Variants in COLEC11 observed in about 807,000 individuals in gnomAD.
The protein encoded by COLEC11 is collectin-11.
In COLEC11, 20 loss-of-function variants were observed where a neutral mutation model predicts 27.3. The observed-to-expected ratio is 0.73, with a 90% CI of 0.51 to 1.06. The LOEUF is 1.06. Among genes scored for constraint, COLEC11 ranks in the 50% least tolerant of loss-of-function variants. The pLI is 0.00. For missense variants in COLEC11, 310 were observed against 383.0 expected (o/e 0.81, Z 1.59); for synonymous variants, 163 against 154.7 (o/e 1.05, Z -0.40).
intron 4 of COLEC11, among the ~76,000 whole-genome samples, chr2:3,639,254 C>T (rs1665670881): frequency 6.6e-6 from 1 of 152,352 alleles, no homozygotes; most frequent in South Asian, 2.1e-4. Context: ...TGAATAACGC[C>T]ACATTGCGTA....
chr2:3,623,288 A>G (rs1353731670), intron 3 of COLEC11, among the ~76,000 whole-genome samples: 4 of 152,144 alleles, frequency 2.6e-5, no homozygotes, highest in Non-Finnish European at 5.9e-5. Flanking sequence ...GGTTGAACCT[A>G]TTTGGAGACT....
intron 3 of COLEC11, among the ~76,000 whole-genome samples, chr2:3,628,256 T>C (rs1318158794): frequency 2.0e-5 from 3 of 152,238 alleles, no homozygotes; most frequent in Non-Finnish European, 4.4e-5. Flanking sequence ...GTGAAGCGGC[T>C]GCCCCGCAGG....
chr2:3,618,049 C>T (rs954945253), intron 3 of COLEC11, among the ~76,000 whole-genome samples: 2 of 152,092 alleles, frequency 1.3e-5, no homozygotes, highest in Non-Finnish European at 2.9e-5. Flanking sequence ...ATTTGTTTTT[C>T]GGCTATTGAG....
chr2:3,606,032 T>G, intron 2 of COLEC11: 1 of 1,537,354 alleles, frequency 6.5e-7, no homozygotes, highest in Non-Finnish European at 8.8e-7. Context: ...ACTTAAACTG[T>G]TGGATGCCTA....
At chr2:3,633,576 C>T (rs562094338) in intron 3 of COLEC11, among the ~76,000 whole-genome samples, 104 of 152,264 alleles carry the variant, frequency 6.8e-4, no homozygotes, top group African/African-American at 2.5e-3. Context: ...CGCGTCCAGC[C>T]TGATCTGGCA....
chr2:3,640,092 G>T (rs1665737205), intron 4 of COLEC11, among the ~76,000 whole-genome samples, 186 bp from the exon 5 acceptor site: 2 of 152,168 alleles, frequency 1.3e-5, no homozygotes, highest in South Asian at 4.1e-4. Context: ...ACATGTATAT[G>T]GTTCGTATCA....
rs565062097 is a variant in COLEC11, at chr2:3,644,585, A to C, written c.*467A>C. On this transcript the variant is annotated 3_prime_UTR_variant, in exon 7 of 7. Transcript: ENST00000349077. ...TCACACTATTATCCATGTAAAAACA[A>C]TTTTGCTTTGCTTCAAACCCAGATT... 2.1e-4 allele frequency: 80 copies of C among 378,654 alleles called. No individual in the cohort carries two copies. In the East Asian group the frequency reaches 5.5e-3, roughly 26 times the overall value. The allele number at this position is 378,654 out of a possible 1,614,324, so 23.5% of individuals were successfully genotyped here. A position where few individuals can be genotyped will look rare whatever the true frequency, so the allele number is the denominator to read the frequency against.
At chr2:3,598,828 G>A (rs570483871) in intron 1 of COLEC11, among the ~76,000 whole-genome samples, 1 of 152,150 alleles carries the variant, frequency 6.6e-6, no homozygotes, top group African/African-American at 2.4e-5. Context: ...GGGGCCGATT[G>A]TTCAACTTTC....
chr2:3,598,474 C>T (rs769682149), intron 1 of COLEC11, among the ~76,000 whole-genome samples: 1 of 152,264 alleles, frequency 6.6e-6, no homozygotes, highest in Non-Finnish European at 1.5e-5. Context: ...GCCTGCTAAA[C>T]TGCAGGCTTC....
intron 4 of COLEC11, among the ~76,000 whole-genome samples, chr2:3,639,088 A>G (rs112987734): frequency 3.4e-4 from 51 of 152,172 alleles, no homozygotes; most frequent in African/African-American, 1.2e-3. Flanking sequence ...AGTTGATTTC[A>G]CTTGGTGTAG....
Position 3,607,587 on chromosome 2 carries a change from A to G in COLEC11, c.130+3117A>G, listed in dbSNP as rs183511337. Among the ~76,000 whole-genome samples, 73 of 151,762 alleles carry G rather than the reference A, an allele frequency of 4.8e-4. 1 individual carries two copies. The highest frequency in any genetic ancestry group is 6.8e-3 in the Middle Eastern group (2 of 294). ...CTCAGCCTCCCAAGTAGCTGGGACT[A>G]TAGGCGCGCACCATCAACGCCCGGC... On this transcript the variant is annotated intron_variant, in intron 2 of 6. Transcript: ENST00000349077.
Position 3,641,209 on chromosome 2 carries a change from G to A in COLEC11, c.328+878G>A, listed in dbSNP as rs536474603. The A allele has an allele frequency of 2.1e-5, 28 of 1,303,442 alleles. No homozygotes were observed. In the South Asian group the frequency reaches 3.0e-4, roughly 14 times the overall value. 80.7% of individuals were successfully genotyped at this position (1,303,442 alleles called of 1,614,324 possible). On this transcript the variant is annotated intron_variant, in intron 5 of 6. Transcript: ENST00000349077. ...TACCAGGGAGAAAAGAGAGGGGCTGGATTTCTGAATAAAAGTCCTTGTTTT... is the reference window on the plus strand; with the variant it reads ...TACCAGGGAGAAAAGAGAGGGGCTGAATTTCTGAATAAAAGTCCTTGTTTT...
rs1483976857 is a variant in COLEC11, at chr2:3,644,329, G to A, written c.*211G>A. On this transcript the variant is annotated 3_prime_UTR_variant, in exon 7 of 7. Transcript: ENST00000349077. Reference sequence around the variant, plus strand: ...GGGGTGCTGTCTCTGAAGAAGCAGAGTTTCATTACCTGTATTGTAGCCCCA... The same window carrying A: ...GGGGTGCTGTCTCTGAAGAAGCAGAATTTCATTACCTGTATTGTAGCCCCA... 5 of 708,890 alleles carry A rather than the reference G, an allele frequency of 7.1e-6. No homozygotes were observed. Among genetic ancestry groups the A allele is most frequent in the Non-Finnish European group, 1.3e-5 (5 of 394,844 alleles). The allele number at this position is 708,890 out of a possible 1,614,324, so 43.9% of individuals were successfully genotyped here.
rs1164297678 is a variant in COLEC11 at position 3,618,234 on chromosome 2, T to C, written c.202+4852T>C. ...CTTATTTATTTTTGCTTTTGTTGCA[T>C]GTGCTTTTGGGGTCATATCCCAAAA... is the stretch of plus-strand genomic sequence containing the variant. On this transcript the variant is annotated intron_variant, in intron 3 of 6. Transcript: ENST00000349077. Among the ~76,000 whole-genome samples the C allele has an allele frequency of 2.0e-5, 3 of 152,238 alleles. No individual in the cohort carries two copies. In the East Asian group the frequency reaches 5.8e-4, roughly 29 times the overall value.
intron 1 of COLEC11, among the ~76,000 whole-genome samples, chr2:3,600,295 C>G (rs1221473604): frequency 6.6e-6 from 1 of 151,682 alleles, no homozygotes; most frequent in East Asian, 1.9e-4. Flanking sequence ...TGGCTCACAC[C>G]TGTAGTCCCA....
At chr2:3,616,308 G>A (rs1365310672) in intron 3 of COLEC11, among the ~76,000 whole-genome samples, 2 of 146,738 alleles carry the variant, frequency 1.4e-5, no homozygotes, top group Non-Finnish European at 3.0e-5. Context: ...CCTCACATCC[G>A]AGACTATGGG....
chr2:3,638,228 CA>C (rs1403048955), intron 4 of COLEC11, among the ~76,000 whole-genome samples: 3 of 152,156 alleles, frequency 2.0e-5, no homozygotes, highest in Admixed American at 1.3e-4. Flanking sequence ...AGGGGTTGCT[CA>C]GAAGGTGCTG....
chr2:3,613,113 C>A (rs912169953), intron 2 of COLEC11, among the ~76,000 whole-genome samples, 198 bp from the exon 3 acceptor site: 1 of 145,430 alleles, frequency 6.9e-6, no homozygotes, highest in Non-Finnish European at 1.5e-5. Flanking sequence ...GGCAGGGAGA[C>A]AAATAGCCCT....
intron 2 of COLEC11, among the ~76,000 whole-genome samples, chr2:3,607,089 A>C (rs1288626738): frequency 1.3e-5 from 2 of 149,660 alleles, no homozygotes; most frequent in African/African-American, 2.4e-5. Context: ...AACCCCCACA[A>C]CCCCCTGTGT....
Sources: gnomAD v4.1 joint callset for allele counts (sites outside exome capture counted in the v4.1 genomes callset) on GRCh38, gnomAD v4.1.1 for gene constraint, MANE v1.5 for transcripts, NCBI Gene and HGNC (gene_info 2026-07-23, HGNC 2026-07-21) for gene names.